The following NLGN1 variants were observed in gnomAD, a reference collection of about 807,000 sequenced individuals.
NLGN1 encodes the protein neuroligin 1, also known as neuroligin-1.
In NLGN1, 12 loss-of-function variants were observed where a neutral mutation model predicts 65.5. The ratio of observed to expected loss-of-function variants is 0.18; its 90% CI spans 0.12 to 0.30. The LOEUF is 0.30. Ranked by LOEUF, NLGN1 falls within the 10% of genes least tolerant of loss-of-function variation. The probability of loss-of-function intolerance (pLI) is 1.00; values close to 1 mark genes in which losing one functional copy is unlikely to be tolerated. For synonymous variants in NLGN1, 350 were observed against 359.5 expected, an observed-to-expected ratio of 0.97 and a Z score of 0.30; for missense variants, 750 against 1,007.1, an observed-to-expected ratio of 0.74 and a Z score of 3.46.
At chr3:173,923,856 A>AT (rs1483299196) in intron 4 of NLGN1, among the ~76,000 whole-genome samples, 7 of 152,146 alleles carry the variant, frequency 4.6e-5, no homozygotes, top group Non-Finnish European at 1.0e-4. Flanking sequence ...ATTAACAGTA[A>AT]TTTTTATCAT....
At chr3:173,747,742 G>A (rs1308976559) in intron 3 of NLGN1, among the ~76,000 whole-genome samples, 1 of 148,070 alleles carries the variant, frequency 6.8e-6, no homozygotes, top group African/African-American at 2.5e-5. Flanking sequence ...GGTATATGCA[G>A]CCATTGGACT....
chr3:174,203,890 TC>T (rs1400095581), intron 4 of NLGN1, among the ~76,000 whole-genome samples: 1 of 152,184 alleles, frequency 6.6e-6, no homozygotes. Context: ...AAAACAAATT[TC>T]CTGGGTAGAT....
intron 2 of NLGN1, among the ~76,000 whole-genome samples, chr3:173,545,061 T>C (rs957922885): frequency 8.3e-6 from 1 of 120,832 alleles, no homozygotes; most frequent in African/African-American, 3.5e-5. Context: ...TGTGTGGTTG[T>C]TTTTTTTGTT....
At chr3:174,146,093 T>TTTCCTTCCTTCCTTCCTTCC (rs35623695) in intron 4 of NLGN1, among the ~76,000 whole-genome samples, 3 of 125,182 alleles carry the variant, frequency 2.4e-5, no homozygotes, top group East Asian at 2.7e-4. Flanking sequence ...ATTCTACTCT[T>TTTCCTTCCTTCCTTCCTTCC]TTCCTTCCTT....
intron 3 of NLGN1, among the ~76,000 whole-genome samples, chr3:173,751,160 A>G (rs961356663): frequency 6.6e-5 from 10 of 152,038 alleles, no homozygotes; most frequent in African/African-American, 2.4e-4. Flanking sequence ...TCACCTGAGT[A>G]GGCGCACATC....
At chr3:173,822,682 A>T (rs996321392) in intron 4 of NLGN1, among the ~76,000 whole-genome samples, 1 of 152,044 alleles carries the variant, frequency 6.6e-6, no homozygotes, top group Admixed American at 6.6e-5. Flanking sequence ...CACTTTTCTG[A>T]TCCGTTAATA....
intron 4 of NLGN1, among the ~76,000 whole-genome samples, chr3:173,878,276 G>T (rs1732523835): frequency 6.6e-6 from 1 of 152,040 alleles, no homozygotes; most frequent in Non-Finnish European, 1.5e-5. Flanking sequence ...TTCTGACCTT[G>T]TAATCCCCCT....
chr3:173,448,967 G>A (rs1289944223), intron 2 of NLGN1, among the ~76,000 whole-genome samples: 1 of 151,866 alleles, frequency 6.6e-6, no homozygotes, highest in Non-Finnish European at 1.5e-5. Flanking sequence ...TTCTTTATTA[G>A]TCTTGCCAGC....
intron 4 of NLGN1, among the ~76,000 whole-genome samples, chr3:173,944,401 A>C (rs1336155780): frequency 6.6e-6 from 1 of 152,152 alleles, no homozygotes; most frequent in Non-Finnish European, 1.5e-5. Context: ...AATAGAAACC[A>C]TCTCTGCAGC....
At chr3:173,738,448 A>T (rs1198622441) in intron 3 of NLGN1, among the ~76,000 whole-genome samples, 1 of 151,984 alleles carries the variant, frequency 6.6e-6, no homozygotes, top group Non-Finnish European at 1.5e-5. Context: ...GTCCAAATTC[A>T]TTTTTTTACA....
chr3:173,662,124 C>G (rs1398341877), intron 3 of NLGN1, among the ~76,000 whole-genome samples: 1 of 151,990 alleles, frequency 6.6e-6, no homozygotes, highest in African/African-American at 2.4e-5. Flanking sequence ...TTATCTTTCA[C>G]TTTATCCATG....
At chr3:173,700,268 T>C (rs780676878) in intron 3 of NLGN1, among the ~76,000 whole-genome samples, 38 of 152,230 alleles carry the variant, frequency 2.5e-4, no homozygotes, top group Non-Finnish European at 5.3e-4. Flanking sequence ...CCATTCTGTT[T>C]CTTGGAAAAA....
chr3:173,600,477 A>G, intron 2 of NLGN1, among the ~76,000 whole-genome samples: 1 of 151,936 alleles, frequency 6.6e-6, no homozygotes, highest in East Asian at 2.0e-4. Flanking sequence ...ATTTTTTAAA[A>G]CACATATGCA....
chr3:173,811,562 G>A (rs189351731), intron 4 of NLGN1, among the ~76,000 whole-genome samples: 43 of 124,836 alleles, frequency 3.4e-4, no homozygotes, highest in Admixed American at 2.4e-3. Flanking sequence ...AGTGAACTCC[G>A]TCTCAAAAAA....
chr3:173,854,709 A>G (rs1346994942), intron 4 of NLGN1, among the ~76,000 whole-genome samples: 1 of 152,078 alleles, frequency 6.6e-6, no homozygotes, highest in Non-Finnish European at 1.5e-5. Context: ...GGTCATATTT[A>G]TTGGGGAAAA....
At chr3:173,453,406 A>G (rs1203318653) in intron 2 of NLGN1, among the ~76,000 whole-genome samples, 1 of 151,896 alleles carries the variant, frequency 6.6e-6, no homozygotes, top group African/African-American at 2.4e-5. Flanking sequence ...AAATAAAGCA[A>G]CAATGAAGTT....
chr3:174,271,340 T>C (rs559969641), intron 4 of NLGN1, among the ~76,000 whole-genome samples: 1 of 151,628 alleles, frequency 6.6e-6, no homozygotes, highest in East Asian at 1.9e-4. Flanking sequence ...TGTACATGCT[T>C]GTTTGATTGT....
intron 4 of NLGN1, among the ~76,000 whole-genome samples, chr3:174,240,594 A>G (rs1742605377): frequency 6.6e-6 from 1 of 152,208 alleles, no homozygotes. Flanking sequence ...GTAACAAAAA[A>G]TCGCACACCC....
chr3:173,910,556 A>G (rs1739383871), intron 4 of NLGN1: 2 of 152,204 alleles, frequency 1.3e-5, no homozygotes, highest in South Asian at 2.1e-4. Context: ...ATCCCTTTAT[A>G]TAGCTTGTAT....
Sources: allele counts gnomAD v4.1 joint callset (sites outside exome capture counted in the v4.1 genomes callset), GRCh38; gene constraint gnomAD v4.1.1; transcripts MANE v1.5; gene names NCBI Gene and HGNC (gene_info 2026-07-23, HGNC 2026-07-21).